RCN3: variants seen among roughly 807,000 people sequenced by gnomAD.
RCN3 encodes the protein reticulocalbin-3.
RCN3 carries 41 observed loss-of-function variants against 35.9 expected under a neutral mutation model. The observed-to-expected ratio is 1.14, with a 90% confidence interval of 0.89 to 1.48. The LOEUF (loss-of-function observed/expected upper bound fraction) is 1.48. RCN3 is among the 40% of genes most tolerant of loss of function. The pLI, the probability that RCN3 is intolerant of heterozygous loss-of-function variation, is 0.00. For missense variants in RCN3, 451 were observed against 471.3 expected, an observed-to-expected ratio of 0.96 and a Z score of 0.40; for synonymous variants, 187 against 193.4, an observed-to-expected ratio of 0.97 and a Z score of 0.27.
intron 3 of RCN3, among the ~76,000 whole-genome samples, chr19:49,535,222 C>T (rs1353490450): frequency 6.6e-6 from 1 of 152,190 alleles, no homozygotes; most frequent in African/African-American, 2.4e-5. Context: ...ACTCACCACA[C>T]TCTTCAAACC....
In RCN3 at chr19:49,543,350, G is replaced by A. The variant is rs1324415461; in HGVS notation, c.*137G>A. 6 of 714,462 alleles carry A rather than the reference G, an allele frequency of 8.4e-6. No individual in the cohort carries two copies. In the Admixed American group the frequency reaches 1.4e-4, roughly 16 times the overall value. 44.3% of individuals were successfully genotyped at this position (714,462 alleles called of 1,614,324 possible). ...GCATCCTCCTGCCCCTGGGCTCTCA[G>A]GGACCCCCTGGGTCGGCTTCTGTCC... On this transcript the variant is annotated 3_prime_UTR_variant, in exon 7 of 7. Coordinates refer to ENST00000270645, the MANE Select transcript of RCN3 (RefSeq NM_020650.3).
intron 3 of RCN3, among the ~76,000 whole-genome samples, chr19:49,534,870 G>A (rs1487098246): frequency 1.3e-5 from 2 of 151,896 alleles, no homozygotes; most frequent in Middle Eastern, 3.2e-3. Context: ...TAACTTCTGT[G>A]ACCTCTCATC....
At position 49,543,195 on chromosome 19, in the gene RCN3, GCAC is replaced by G; in HGVS notation, c.973_975del (p.His325del). Reference sequence around the variant, plus strand: ...CCAACTATGGCGAGGACCTGACCCGGCACCACGATGAGCTGTGAGCACCGCGCA... The same window carrying G: ...CCAACTATGGCGAGGACCTGACCCGGCACGATGAGCTGTGAGCACCGCGCA... On this transcript the variant is annotated inframe_deletion, in exon 7 of 7. Coordinates refer to ENST00000270645, the MANE Select transcript of RCN3 (RefSeq NM_020650.3). 1.2e-6 allele frequency: 2 copies of G among 1,613,052 alleles called. No individual in the cohort carries two copies. Among genetic ancestry groups the G allele is most frequent in the Non-Finnish European group, 1.7e-6 (2 of 1,179,464 alleles).
At chr19:49,537,349 A>G (rs2080141332) in intron 4 of RCN3, 144 bp downstream of exon 4, 2 of 799,364 alleles carry the variant, frequency 2.5e-6, no homozygotes, top group African/African-American at 1.8e-5. Flanking sequence ...GGCCGCAAAC[A>G]CAGGTCAGAG....
Position 49,542,657 on chromosome 19 carries a change from G to A in RCN3, c.784G>A (p.Asp262Asn), listed in dbSNP as rs758437326. ...FRDLNKDGHLDGSEVGHWVLP... is the reference protein window; with the variant it reads ...FRDLNKDGHLNGSEVGHWVLP... ...GGATCTGAACAAGGATGGGCACCTG[G>A]ATGGGAGTGAGGTGGGCCACTGGGT... The change falls in exon 6 of 7, where the codon GAT becomes AAT. Residue 262 changes from aspartate to asparagine, a missense_variant. By Grantham distance (23) the Asp-to-Asn change is conservative. Coordinates refer to ENST00000270645, the MANE Select transcript of RCN3 (RefSeq NM_020650.3). 6.2e-7 allele frequency: 1 copy of A among 1,602,970 alleles called. No homozygotes were observed. The highest frequency in any genetic ancestry group is 8.5e-7 in the Non-Finnish European group (1 of 1,175,924).
chr19:49,543,140 A>C lies in RCN3; in HGVS notation c.914A>C (p.Asn305Thr). The change falls in exon 7 of 7, where the codon AAT becomes ACT. Residue 305 changes from asparagine to threonine, a missense_variant. Coordinates refer to ENST00000270645, the MANE Select transcript of RCN3 (RefSeq NM_020650.3). ...CTGAGCAAAGCGGAAATCCTGGGTA[A>C]TTGGAACATGTTTGTGGGCAGTCAG... ...GRLSKAEILG[N>T]WNMFVGSQAT... 1.2e-6 allele frequency: 2 copies of C among 1,614,076 alleles called. No individual in the cohort carries two copies. The highest frequency in any genetic ancestry group is 1.7e-6 in the Non-Finnish European group (2 of 1,179,996).
intron 3 of RCN3, among the ~76,000 whole-genome samples, chr19:49,535,849 CA>C (rs777910956): frequency 7.4e-4 from 80 of 108,030 alleles, no homozygotes; most frequent in South Asian, 2.1e-3. Flanking sequence ...GACTCTGTCT[CA>C]AAAAAAAAAA....
At chr19:49,528,297 G>A (rs1214367191) in intron 1 of RCN3, 170 bp from the exon 2 acceptor site, 4 of 585,716 alleles carry the variant, frequency 6.8e-6, no homozygotes, top group Non-Finnish European at 1.1e-5. Context: ...TTACCTCTAA[G>A]CATCCCGCCC....
rs1452759813 is a variant in RCN3 at position 49,530,875 on chromosome 19, C to T, written c.242+2161C>T. On this transcript the variant is annotated intron_variant, in intron 2 of 6. Coordinates refer to ENST00000270645, the MANE Select transcript of RCN3 (RefSeq NM_020650.3). Reference sequence around the variant, plus strand: ...TGTGGTATTTGAGCCATGTGGGTATCGGAGTGAATAGCATTCCAGGCAGAC... The same window carrying T: ...TGTGGTATTTGAGCCATGTGGGTATTGGAGTGAATAGCATTCCAGGCAGAC... Among the ~76,000 whole-genome samples the T allele has an allele frequency of 3.3e-5, 5 of 152,136 alleles. No homozygotes were observed. The East Asian group carries it at 5.8e-4, about 18-fold the overall frequency.
At position 49,528,703 on chromosome 19, in the gene RCN3, G is replaced by C; in HGVS notation, c.231G>C (p.Gln77His). 1 of 1,593,476 alleles carries C rather than the reference G, an allele frequency of 6.3e-7. No homozygotes were observed. The change falls in exon 2 of 7, where the codon CAG (glutamine) becomes CAC (histidine). Residue 77 changes from glutamine to histidine, a missense_variant. Physicochemically the swap from Gln to His is conservative, Grantham distance 24 (BLOSUM62 0). Coordinates refer to ENST00000270645, the MANE Select transcript of RCN3 (RefSeq NM_020650.3). The stretch of plus-strand genomic sequence containing the variant: ...ACCAACTCACCCCAGAGGAAAGCCA[G>C]GCCCGTCTGGGGTAAGAGAGACATT... ...EFDQLTPEES[Q>H]ARLGRIVDRM...
intron 2 of RCN3, among the ~76,000 whole-genome samples, chr19:49,532,044 A>G (rs1268167268): frequency 1.1e-4 from 14 of 129,280 alleles, no homozygotes; most frequent in Non-Finnish European, 2.1e-4. Context: ...CTCGTGATCC[A>G]CCCACCTCGG....
At chr19:49,542,849 CT>C in intron 6 of RCN3, 97 bp downstream of exon 6, 2 of 1,188,168 alleles carry the variant, frequency 1.7e-6, no homozygotes, top group Non-Finnish European at 1.2e-6. Context: ...CTCAGGGTCC[CT>C]TTTAGGTGGG....
At chr19:49,535,002 C>T (rs1000376443) in intron 3 of RCN3, among the ~76,000 whole-genome samples, 1 of 152,032 alleles carries the variant, frequency 6.6e-6, no homozygotes, top group Non-Finnish European at 1.5e-5. Flanking sequence ...TCCCTCCTCT[C>T]CTCTCTGTCC....
chr19:49,537,363 G>A (rs1318790267), intron 4 of RCN3, among the ~76,000 whole-genome samples, 158 bp downstream of exon 4: 2 of 152,088 alleles, frequency 1.3e-5, no homozygotes, highest in Non-Finnish European at 2.9e-5. Context: ...GTCAGAGGAC[G>A]GTGACCTTTC....
intron 4 of RCN3, among the ~76,000 whole-genome samples, chr19:49,537,682 A>T (rs986191976): frequency 2.6e-5 from 4 of 151,954 alleles, no homozygotes; most frequent in Admixed American, 6.6e-5. Flanking sequence ...AATTTTTAGT[A>T]GAGACAGGGT....
chr19:49,542,844 G>C (rs773295713), intron 6 of RCN3, 92 bp downstream of exon 6: 15 of 1,257,178 alleles, frequency 1.2e-5, no homozygotes, highest in Non-Finnish European at 1.5e-5. Flanking sequence ...TGGAGCTCAG[G>C]GTCCCTTTTA....
chr19:49,534,352 T>G lies in RCN3; in HGVS notation c.402T>G (p.Gly134=). The G allele has an allele frequency of 6.5e-7, 1 of 1,534,860 alleles. No homozygotes were observed. Among genetic ancestry groups the G allele is most frequent in the Non-Finnish European group, 8.8e-7 (1 of 1,141,952 alleles). ...TYDTDRDGRV[G]WEELRNATYG... ...ACACGGACCGCGACGGGCGTGTGGG[T>G]TGGGAGGAGCTGCGCAACGCCACCT... Residue 134 remains glycine, a synonymous_variant, in exon 3 of 7, where the codon GGT becomes GGG. Transcript: ENST00000270645.
chr19:49,543,079 C>A, intron 6 of RCN3, 27 bp from the exon 7 acceptor site: 1 of 1,584,562 alleles, frequency 6.3e-7, no homozygotes, highest in Non-Finnish European at 8.7e-7. Flanking sequence ...CCGTGTTGTC[C>A]CCTCTGAACC....
Position 49,542,706 on chromosome 19 carries a change from C to T in RCN3, c.833C>T (p.Pro278Leu), listed in dbSNP as rs1371234826. 4 of 1,596,054 alleles carry T rather than the reference C, an allele frequency of 2.5e-6. No homozygotes were observed. The highest frequency in any genetic ancestry group is 3.4e-6 in the Non-Finnish European group (4 of 1,172,928). ...GTGCTGCCCCCTGCCCAGGACCAGC[C>T]CCTGGTGGAAGCCAACCACCTGCTG... ...HWVLPPAQDQ[P>L]LVEANHLLHE... The change falls in exon 6 of 7, where the codon CCC (proline) becomes CTC (leucine). Residue 278 changes from proline (P) to leucine (L), a missense_variant. Physicochemically the swap from Pro to Leu is moderately conservative, Grantham distance 98. Transcript: ENST00000270645.
Sources: gnomAD v4.1 joint callset for allele counts (sites outside exome capture counted in the v4.1 genomes callset) on GRCh38, gnomAD v4.1.1 for gene constraint, MANE v1.5 for transcripts, NCBI Gene and HGNC (gene_info 2026-07-23, HGNC 2026-07-21) for gene names.